LAMA2: variants seen among roughly 807,000 people sequenced by gnomAD.
LAMA2 encodes laminin subunit alpha-2.
Under a neutral mutation model 364.8 loss-of-function variants are expected in LAMA2, and 269 were observed. The ratio of observed to expected loss-of-function variants is 0.74; its 90% CI spans 0.67 to 0.82. LAMA2 has a LOEUF of 0.82. Among genes scored for constraint, LAMA2 ranks in the 40% least tolerant of loss-of-function variants. The pLI is 0.00. For missense variants in LAMA2, 3,807 were observed against 3,873.2 expected (o/e 0.98, Z 0.45); for synonymous variants, 1,379 against 1,370.6 (o/e 1.01, Z -0.14).
At chr6:129,124,216 C>A (rs1776976146) in intron 4 of LAMA2, among the ~76,000 whole-genome samples, 1 of 152,136 alleles carries the variant, frequency 6.6e-6, no homozygotes, top group Non-Finnish European at 1.5e-5. Flanking sequence ...GAAAGCTTGG[C>A]ACATCTGTTG....
chr6:129,034,174 C>G (rs1349246653), intron 1 of LAMA2, among the ~76,000 whole-genome samples: 1 of 152,076 alleles, frequency 6.6e-6, no homozygotes. Context: ...TAATCAAACT[C>G]TAGATATGAT....
chr6:129,392,173 G>A (rs1022119516), intron 36 of LAMA2, among the ~76,000 whole-genome samples: 1 of 152,196 alleles, frequency 6.6e-6, no homozygotes, highest in Non-Finnish European at 1.5e-5. Flanking sequence ...TTGCGAATAT[G>A]AGGGTTGGGA....
chr6:129,285,810 G>T (rs142802868), intron 18 of LAMA2, among the ~76,000 whole-genome samples: 3 of 152,102 alleles, frequency 2.0e-5, no homozygotes, highest in African/African-American at 7.2e-5. Flanking sequence ...AAATTTTATT[G>T]CATATTTTAT....
chr6:129,206,669 C>T (rs1277251454), intron 12 of LAMA2, among the ~76,000 whole-genome samples: 1 of 152,160 alleles, frequency 6.6e-6, no homozygotes, highest in Non-Finnish European at 1.5e-5. Flanking sequence ...TCATCACTTC[C>T]AACAGTAGCC....
At chr6:129,260,865 T>A (rs757143094) in intron 15 of LAMA2, 43 bp downstream of exon 15, 4 of 1,150,660 alleles carry the variant, frequency 3.5e-6, no homozygotes, top group African/African-American at 3.0e-5. Context: ...CAAAGTTCCC[T>A]CAACATTGCT....
In LAMA2 at chr6:129,243,488, G is replaced by A. The variant is rs142793611; in HGVS notation, c.1783-6624G>A. Among the ~76,000 whole-genome samples, 45 of 151,778 alleles carry A rather than the reference G, an allele frequency of 3.0e-4. No homozygotes were observed. In the East Asian group the frequency reaches 7.7e-3, roughly 26 times the overall value. ...GAATGTGGAGTTATATGAAATGTAG[G>A]AAGAAAAAATATGAGTGAGTAATCC... On this transcript the variant is annotated intron_variant, in intron 12 of 64. Transcript: ENST00000421865.
intron 37 of LAMA2, among the ~76,000 whole-genome samples, chr6:129,393,667 A>G (rs1401329943): frequency 6.6e-6 from 1 of 152,230 alleles, no homozygotes; most frequent in Non-Finnish European, 1.5e-5. Context: ...TATAGCATAC[A>G]TATAGGGTAT....
chr6:129,010,995 T>A (rs1784736592), intron 1 of LAMA2, among the ~76,000 whole-genome samples: 1 of 152,202 alleles, frequency 6.6e-6, no homozygotes, highest in Non-Finnish European at 1.5e-5. Flanking sequence ...TTTTTTTTCT[T>A]TGAGATGGAG....
chr6:128,988,013 C>T (rs1015017091), intron 1 of LAMA2, among the ~76,000 whole-genome samples: 10 of 152,064 alleles, frequency 6.6e-5, no homozygotes, highest in South Asian at 6.2e-4. Flanking sequence ...TACAGGCATC[C>T]GGCACCAGGC....
intron 10 of LAMA2, among the ~76,000 whole-genome samples, chr6:129,178,287 C>T (rs768194086): frequency 6.6e-6 from 1 of 151,998 alleles, no homozygotes; most frequent in Non-Finnish European, 1.5e-5. Context: ...CCCAGATAAG[C>T]CTTAAAATAC....
chr6:129,450,083 C>T (rs893846486), intron 45 of LAMA2, among the ~76,000 whole-genome samples: 9 of 151,506 alleles, frequency 5.9e-5, no homozygotes, highest in Non-Finnish European at 1.2e-4. Context: ...GGATTACAGG[C>T]GTGAGCCACT....
intron 3 of LAMA2, among the ~76,000 whole-genome samples, chr6:129,069,811 GATAA>G (rs754303810): frequency 1.8e-4 from 26 of 147,442 alleles, no homozygotes; most frequent in Non-Finnish European, 3.7e-4. Flanking sequence ...ATAAAAATGT[GATAA>G]ATAATATTGT....
chr6:129,154,073 C>A (rs1476514921), intron 7 of LAMA2, among the ~76,000 whole-genome samples: 6 of 152,122 alleles, frequency 3.9e-5, no homozygotes, highest in Admixed American at 2.6e-4. Context: ...CAGATACTTT[C>A]TGGATATGTT....
chr6:129,325,597 T>C (rs190496033), intron 28 of LAMA2, among the ~76,000 whole-genome samples: 135 of 152,140 alleles, frequency 8.9e-4, no homozygotes, highest in African/African-American at 3.1e-3. Context: ...AAATACTCTC[T>C]CTCTCTCTTT....
chr6:128,910,898 G>A (rs1777879758), intron 1 of LAMA2, among the ~76,000 whole-genome samples: 2 of 151,602 alleles, frequency 1.3e-5, no homozygotes, highest in South Asian at 4.2e-4. Context: ...ACCCTGCCAT[G>A]TGAGGTGTCA....
intron 3 of LAMA2, among the ~76,000 whole-genome samples, chr6:129,092,674 A>T (rs1774915586): frequency 1.3e-5 from 2 of 152,366 alleles, no homozygotes; most frequent in South Asian, 4.1e-4. Flanking sequence ...CAATATGGGA[A>T]GGAGGCGGAG....
intron 3 of LAMA2, among the ~76,000 whole-genome samples, chr6:129,097,137 T>C (rs1411643750): frequency 6.6e-6 from 1 of 152,240 alleles, no homozygotes; most frequent in African/African-American, 2.4e-5. Context: ...CAAGCTCTCA[T>C]ACCTCATAGC....
intron 15 of LAMA2, among the ~76,000 whole-genome samples, chr6:129,261,289 T>C (rs961903061): frequency 6.6e-6 from 1 of 152,066 alleles, no homozygotes; most frequent in Non-Finnish European, 1.5e-5. Flanking sequence ...CTTCAGAATG[T>C]CAAGAATATA....
At chr6:129,440,490 G>A (rs894448050) in intron 42 of LAMA2, among the ~76,000 whole-genome samples, 5 of 151,876 alleles carry the variant, frequency 3.3e-5, no homozygotes, top group African/African-American at 9.7e-5. Context: ...CTTAAGCCTC[G>A]TTTTCATGAA....
Sources: allele counts gnomAD v4.1 joint callset (sites outside exome capture counted in the v4.1 genomes callset), GRCh38; gene constraint gnomAD v4.1.1; transcripts MANE v1.5; gene names NCBI Gene and HGNC (gene_info 2026-07-23, HGNC 2026-07-21).